Variants in CCDC198 observed in about 807,000 individuals in gnomAD.
The protein encoded by CCDC198 is coiled-coil domain containing 198.
CCDC198 carries 18 observed loss-of-function variants against 35.6 expected under a neutral mutation model. The observed-to-expected ratio is 0.51, with a 90% CI of 0.35 to 0.75. CCDC198 has a LOEUF of 0.75. CCDC198 is among the 30% of genes least tolerant of loss of function. CCDC198 has a pLI of 0.01. For missense variants in CCDC198, 365 were observed against 343.7 expected, an observed-to-expected ratio of 1.06 and a Z score of -0.49; for synonymous variants, 119 against 113.4, an observed-to-expected ratio of 1.05 and a Z score of -0.31.
At chr14:57,487,186 C>T (rs1157222319) in intron 2 of CCDC198, among the ~76,000 whole-genome samples, 4 of 152,116 alleles carry the variant, frequency 2.6e-5, no homozygotes, top group Non-Finnish European at 4.4e-5. Context: ...ACCAGAGAAT[C>T]GGTTAGAATG....
At chr14:57,483,830 T>C (rs1450119093) in intron 2 of CCDC198, among the ~76,000 whole-genome samples, 1 of 152,176 alleles carries the variant, frequency 6.6e-6, no homozygotes, top group Non-Finnish European at 1.5e-5. Context: ...TCTCTTGACA[T>C]TGACATGCAA....
At position 57,481,549 on chromosome 14, in the gene CCDC198, T is replaced by C; in HGVS notation, c.495+10A>G. 6.3e-7 allele frequency: 1 copy of C among 1,591,014 alleles called. No homozygotes were observed. The highest frequency in any genetic ancestry group is 8.6e-7 in the Non-Finnish European group (1 of 1,160,752). ...AAATTTGGTAAATATGACACTCTTC[T>C]CGTATTTACCTCTTGTCTTTTACGG... On this transcript the variant is annotated intron_variant, in intron 4 of 5. Transcript: ENST00000216445.
chr14:57,480,618 T>C lies in CCDC198; in HGVS notation c.632A>G (p.Asp211Gly), dbSNP rs781718635. 1 of 1,614,146 alleles carries C rather than the reference T, an allele frequency of 6.2e-7. No homozygotes were observed. The highest frequency in any genetic ancestry group is 2.2e-5 in the East Asian group (1 of 44,874). The change falls in exon 5 of 6, where the codon GAT (aspartate) becomes GGT (glycine). Residue 211 changes from aspartate to glycine, a missense_variant. Transcript: ENST00000216445. ...ACCGGGACCTCTGTTCAAGATTTCA[T>C]CAGGCAACATGGTTAGAAGGTCATG... Reference protein sequence around the residue: ...DDHDLLTMLPDEILNRGPGNS... With the variant: ...DDHDLLTMLPGEILNRGPGNS...
chr14:57,478,870 A>G, intron 5 of CCDC198: 3 of 1,150,276 alleles, frequency 2.6e-6, no homozygotes, highest in Non-Finnish European at 3.3e-6. Flanking sequence ...TCAGCAGGCA[A>G]TTTTGCGTCT....
chr14:57,489,377 T>C (rs2067482348), intron 2 of CCDC198, among the ~76,000 whole-genome samples: 1 of 151,508 alleles, frequency 6.6e-6, no homozygotes, highest in Non-Finnish European at 1.5e-5. Flanking sequence ...CCTGTCAGGG[T>C]TGGTGGAGAG....
chr14:57,488,418 C>T (rs1482733451), intron 2 of CCDC198, among the ~76,000 whole-genome samples: 1 of 152,140 alleles, frequency 6.6e-6, no homozygotes, highest in Non-Finnish European at 1.5e-5. Flanking sequence ...ACAGTGATTA[C>T]AGGTCTGCAG....
chr14:57,471,526 A>C lies in CCDC198; in HGVS notation c.720T>G (p.Ile240Met). ...CATGAAGCCATGTTTCCATTTTGCCAATTTTCCAGGGACAGTAGTTATTCA... is the reference window on the plus strand; with the variant it reads ...CATGAAGCCATGTTTCCATTTTGCCCATTTTCCAGGGACAGTAGTTATTCA... ...QAVNNYCPWK[I>M]GKMETWLHEQ... The change falls in exon 6 of 6, where the codon ATT (isoleucine) becomes ATG (methionine). Residue 240 changes from isoleucine (I) to methionine (M), a missense_variant. Transcript: ENST00000216445. 6.2e-7 allele frequency: 1 copy of C among 1,613,528 alleles called. No homozygotes were observed. Among genetic ancestry groups the C allele is most frequent in the South Asian group, 1.1e-5 (1 of 91,038 alleles).
intron 1 of CCDC198, 103 bp downstream of exon 1, chr14:57,493,390 A>G: frequency 1.1e-5 from 11 of 999,190 alleles, no homozygotes; most frequent in Non-Finnish European, 1.5e-5. Context: ...TTTACATTTC[A>G]GGAATTTAGA....
intron 4 of CCDC198, among the ~76,000 whole-genome samples, chr14:57,481,078 G>A (rs2067167098): frequency 6.6e-6 from 1 of 152,206 alleles, no homozygotes; most frequent in South Asian, 2.1e-4. Context: ...TTCCTAGAGG[G>A]AGGAATTTGG....
intron 2 of CCDC198, among the ~76,000 whole-genome samples, chr14:57,486,328 G>A (rs2067356571): frequency 6.6e-6 from 1 of 152,132 alleles, no homozygotes; most frequent in South Asian, 2.1e-4. Context: ...CCCCATTTCA[G>A]ACAGGTTGCT....
At chr14:57,487,117 G>A (rs1187132473) in intron 2 of CCDC198, among the ~76,000 whole-genome samples, 1 of 152,096 alleles carries the variant, frequency 6.6e-6, no homozygotes, top group Non-Finnish European at 1.5e-5. Flanking sequence ...CCTTTTCCCT[G>A]CCCAGGAAGT....
chr14:57,470,988 T>G lies in CCDC198; in HGVS notation c.*367A>C. 1 of 182,614 alleles carries G rather than the reference T, an allele frequency of 5.5e-6. No homozygotes were observed. Among genetic ancestry groups the G allele is most frequent in the South Asian group, 1.2e-4 (1 of 8,156 alleles). The allele number at this position is 182,614 out of a possible 1,614,324, so 11.3% of individuals were successfully genotyped here. On this transcript the variant is annotated 3_prime_UTR_variant, in exon 6 of 6. Coordinates refer to ENST00000216445, the MANE Select transcript of CCDC198 (RefSeq NM_018168.4). ...ATGGATAGGGGGCAAGGTCCCCCTG[T>G]GTCAGTGTCCTAATGGGGCCTCTGG...
intron 2 of CCDC198, among the ~76,000 whole-genome samples, chr14:57,490,589 G>A (rs1216706262): frequency 1.3e-5 from 2 of 152,082 alleles, no homozygotes; most frequent in African/African-American, 4.8e-5. Context: ...TTTTTCATAG[G>A]TGGCTAAGAA....
chr14:57,486,247 C>A (rs190490035), intron 2 of CCDC198, among the ~76,000 whole-genome samples: 3 of 152,186 alleles, frequency 2.0e-5, no homozygotes, highest in African/African-American at 7.2e-5. Context: ...TTACTGCACG[C>A]CATGCCCAGG....
At chr14:57,478,552 C>T (rs2139488739) in intron 5 of CCDC198, 1 of 986,910 alleles carries the variant, frequency 1.0e-6, no homozygotes, top group Non-Finnish European at 1.2e-6. Context: ...TCCTTGGTCC[C>T]CTCCAGGTCT....
chr14:57,474,435 A>G (rs2066908933), intron 5 of CCDC198, among the ~76,000 whole-genome samples: 1 of 152,168 alleles, frequency 6.6e-6, no homozygotes, highest in African/African-American at 2.4e-5. Flanking sequence ...ACAGAAGGGG[A>G]ATGTTTGTTT....
At position 57,491,024 on chromosome 14, in the gene CCDC198, T is replaced by G. The variant is rs2067548467; in HGVS notation, c.271A>C (p.Ser91Arg). 6.2e-7 allele frequency: 1 copy of G among 1,609,738 alleles called. No individual in the cohort carries two copies. The highest frequency in any genetic ancestry group is 8.5e-7 in the Non-Finnish European group (1 of 1,176,612). Reference protein sequence around the residue: ...FDIPLEHRETSIIKRHPPQRL... With the variant: ...FDIPLEHRETRIIKRHPPQRL... ...TGGGGTGGATGCCTTTTAATAATAC[T>G]TGTTTCTCTGTGTTCCAGTGGGATG... The change falls in exon 2 of 6, where the codon AGT (serine) becomes CGT (arginine). Residue 91 changes from serine (S) to arginine (R), a missense_variant. Ser to Arg is a moderately radical substitution (Grantham distance 110). Transcript: ENST00000216445.
Position 57,469,912 on chromosome 14 carries a change from T to G in CCDC198, c.*1443A>C, listed in dbSNP as rs952846885. 2 of 152,258 alleles carry G rather than the reference T, an allele frequency of 1.3e-5. No homozygotes were observed. The highest frequency in any genetic ancestry group is 4.8e-5 in the African/African-American group (2 of 41,474). 9.4% of individuals were successfully genotyped at this position (152,258 alleles called of 1,614,324 possible). A position where few individuals can be genotyped will look rare whatever the true frequency, so the allele number is the denominator to read the frequency against. The stretch of plus-strand genomic sequence containing the variant: ...CATATAAGGCACAAAAGGGTCTTTT[T>G]GTTTTGCTTTGTTTTAAAGCTTTAA... On this transcript the variant is annotated 3_prime_UTR_variant, in exon 6 of 6. Coordinates refer to ENST00000216445, the MANE Select transcript of CCDC198 (RefSeq NM_018168.4).
At chr14:57,485,894 T>C (rs2139532556) in intron 2 of CCDC198, among the ~76,000 whole-genome samples, 2 of 152,268 alleles carry the variant, frequency 1.3e-5, no homozygotes, top group South Asian at 4.1e-4. Context: ...TAACATAACT[T>C]AGCAAAGATG....
Sources: gnomAD v4.1 joint callset for allele counts (sites outside exome capture counted in the v4.1 genomes callset) on GRCh38, gnomAD v4.1.1 for gene constraint, MANE v1.5 for transcripts, NCBI Gene and HGNC (gene_info 2026-07-23, HGNC 2026-07-21) for gene names.